The following CDH11 variants were observed in gnomAD, a reference collection of about 807,000 sequenced individuals.
The protein encoded by CDH11 is cadherin 11.
CDH11 carries 11 observed loss-of-function variants against 67.8 expected under a neutral mutation model. The observed-to-expected ratio is 0.16, with a 90% CI of 0.10 to 0.27. The LOEUF (loss-of-function observed/expected upper bound fraction) is 0.27. Among genes scored for constraint, CDH11 ranks in the 10% least tolerant of loss-of-function variants. The probability of loss-of-function intolerance (pLI) is 1.00; values close to 1 mark genes in which losing one functional copy is unlikely to be tolerated. For synonymous variants in CDH11, 419 were observed against 400.0 expected, an observed-to-expected ratio of 1.05 and a Z score of -0.57; for missense variants, 847 against 1,031.2, an observed-to-expected ratio of 0.82 and a Z score of 2.45.
intron 12 of CDH11, among the ~76,000 whole-genome samples, chr16:64,948,347 A>T (rs962813188): frequency 6.6e-6 from 1 of 152,210 alleles, no homozygotes; most frequent in African/African-American, 2.4e-5. Context: ...ACAATTTTGA[A>T]CTTTTAACAA....
At chr16:65,071,237 A>G (rs1033846623) in intron 1 of CDH11, among the ~76,000 whole-genome samples, 1 of 152,202 alleles carries the variant, frequency 6.6e-6, no homozygotes, top group African/African-American at 2.4e-5. Flanking sequence ...TAACGATTCC[A>G]TACAATGCCA....
At chr16:65,033,261 CACACACACACAT>C (rs1018437639) in intron 2 of CDH11, among the ~76,000 whole-genome samples, 7 of 144,398 alleles carry the variant, frequency 4.8e-5, no homozygotes, top group African/African-American at 7.5e-5. Context: ...CACACACACA[CACACACACACAT>C]ACAGATTTTG....
chr16:64,958,397 T>A (rs551336042), intron 11 of CDH11, among the ~76,000 whole-genome samples: 1 of 115,968 alleles, frequency 8.6e-6, no homozygotes, highest in East Asian at 3.6e-4. Flanking sequence ...TGCTATCTTA[T>A]TATTCTGTTA....
intron 11 of CDH11, among the ~76,000 whole-genome samples, chr16:64,957,991 G>C (rs1172877854): frequency 6.6e-6 from 1 of 152,108 alleles, no homozygotes; most frequent in East Asian, 1.9e-4. Context: ...TAGTCTGTGT[G>C]TACACCTCTA....
intron 1 of CDH11, among the ~76,000 whole-genome samples, chr16:65,081,307 G>A (rs12935138): frequency 0.31 from 46,626 of 152,040 alleles, 8,242 homozygotes; most frequent in Middle Eastern, 0.41. Context: ...TGGGGCTCAC[G>A]CCTGTAATCC....
rs545741078 is a variant in CDH11 at position 64,945,603 on chromosome 16, C to G, written c.*2000G>C. The G allele has an allele frequency of 9.7e-7, 1 of 1,033,398 alleles. No individual in the cohort carries two copies. Among genetic ancestry groups the G allele is most frequent in the Non-Finnish European group, 1.2e-6 (1 of 858,872 alleles). 64.0% of individuals were successfully genotyped at this position (1,033,398 alleles called of 1,614,324 possible). On this transcript the variant is annotated 3_prime_UTR_variant, in exon 13 of 13. Transcript: ENST00000268603. ...AAACTATATAAAAAAATGAACACAA[C>G]CTGCAATTATGGAAGTATTGAGAAT...
At chr16:65,003,084 GT>G (rs36008729) in intron 3 of CDH11, among the ~76,000 whole-genome samples, 36,162 of 117,264 alleles carry the variant, frequency 0.31, 5,030 homozygotes, top group Middle Eastern at 0.44. Context: ...ATCTATCTTT[GT>G]TTTTTTTTTT....
intron 11 of CDH11, among the ~76,000 whole-genome samples, chr16:64,953,747 AT>A (rs1481168983): frequency 6.6e-6 from 1 of 152,176 alleles, no homozygotes; most frequent in African/African-American, 2.4e-5. Context: ...ACTCTCACAA[AT>A]TGAAAGTTAC....
intron 2 of CDH11, among the ~76,000 whole-genome samples, chr16:65,047,036 C>G (rs2073973377): frequency 6.6e-6 from 1 of 152,168 alleles, no homozygotes; most frequent in Admixed American, 6.5e-5. Flanking sequence ...ATCGCTTGAA[C>G]CTCGGAGACA....
chr16:65,123,146 G>T (rs367832533), upstream of CDH11, among the ~76,000 whole-genome samples: 312 of 152,254 alleles, frequency 2.0e-3, 1 homozygote, highest in African/African-American at 6.8e-3. Context: ...ACTGGGCGGG[G>T]CGCTCGCGGT....
chr16:64,993,138 A>G (rs938830038), intron 4 of CDH11, 104 bp from the exon 5 acceptor site: 27 of 918,278 alleles, frequency 2.9e-5, no homozygotes, highest in Non-Finnish European at 4.5e-5. Flanking sequence ...AAGGCACCAC[A>G]ATTATTCAAC....
At chr16:64,965,001 C>T (rs1251101820) in intron 11 of CDH11, among the ~76,000 whole-genome samples, 1 of 151,962 alleles carries the variant, frequency 6.6e-6, no homozygotes, top group East Asian at 1.9e-4. Flanking sequence ...CACCCATTAA[C>T]TCATCATTTA....
At chr16:65,013,977 T>G (rs980362643) in intron 2 of CDH11, among the ~76,000 whole-genome samples, 14 of 152,212 alleles carry the variant, frequency 9.2e-5, no homozygotes, top group Admixed American at 2.0e-4. Context: ...CGGGGACCTT[T>G]TCTTTGCTGC....
chr16:65,107,477 G>C (rs1363228405), intron 1 of CDH11, among the ~76,000 whole-genome samples: 1 of 152,138 alleles, frequency 6.6e-6, no homozygotes. Context: ...ACTCACAGGA[G>C]TACTCTCCCT....
chr16:64,990,948 C>T (rs1451777405), intron 6 of CDH11, among the ~76,000 whole-genome samples: 1 of 152,186 alleles, frequency 6.6e-6, no homozygotes, highest in African/African-American at 2.4e-5. Context: ...AAAACAATAT[C>T]TCCCATCCCA....
intron 1 of CDH11, among the ~76,000 whole-genome samples, chr16:65,077,112 G>C (rs2074525859): frequency 6.6e-6 from 1 of 152,116 alleles, no homozygotes; most frequent in African/African-American, 2.4e-5. Context: ...ATTTCCAAGA[G>C]AGAAAAAGAA....
chr16:65,060,338 C>CATATAT (rs56797143), intron 1 of CDH11, among the ~76,000 whole-genome samples: 41 of 145,072 alleles, frequency 2.8e-4, no homozygotes, highest in South Asian at 2.2e-3. Flanking sequence ...ATAAAATTTG[C>CATATAT]ATATATATAT....
intron 1 of CDH11, among the ~76,000 whole-genome samples, chr16:65,095,959 T>C (rs922520791): frequency 6.6e-6 from 1 of 152,170 alleles, no homozygotes; most frequent in African/African-American, 2.4e-5. Flanking sequence ...TATTCAGTAA[T>C]TACAAATTGA....
chr16:64,945,227 T>A lies in CDH11; in HGVS notation c.*2376A>T, dbSNP rs1194574906. 1 of 241,542 alleles carries A rather than the reference T, an allele frequency of 4.1e-6. No individual in the cohort carries two copies. The highest frequency in any genetic ancestry group is 7.4e-6 in the Non-Finnish European group (1 of 135,522). The allele number at this position is 241,542 out of a possible 1,614,324, so 15.0% of individuals were successfully genotyped here. A position where few individuals can be genotyped will look rare whatever the true frequency, so the allele number is the denominator to read the frequency against. On this transcript the variant is annotated 3_prime_UTR_variant, in exon 13 of 13. Coordinates refer to ENST00000268603, the MANE Select transcript of CDH11 (RefSeq NM_001797.4). ...CCAAATGAAAAAGGACTCCACTAGT[T>A]GGGAAAGACATTTTATTTCCAAGTT...
Sources: allele counts gnomAD v4.1 joint callset (sites outside exome capture counted in the v4.1 genomes callset), GRCh38; gene constraint gnomAD v4.1.1; transcripts MANE v1.5; gene names NCBI Gene and HGNC (gene_info 2026-07-23, HGNC 2026-07-21).